The following PDE7A variants were observed in gnomAD, a reference collection of about 807,000 sequenced individuals.
PDE7A encodes the protein phosphodiesterase 7A, also known as high affinity 3',5'-cyclic-AMP phosphodiesterase 7A.
PDE7A carries 39 observed loss-of-function variants against 64.3 expected under a neutral mutation model. The ratio of observed to expected loss-of-function variants is 0.61; its 90% CI spans 0.47 to 0.79. The LOEUF (loss-of-function observed/expected upper bound fraction) is 0.79. Among genes scored for constraint, PDE7A ranks in the 30% least tolerant of loss-of-function variants. The pLI, the probability that PDE7A is intolerant of heterozygous loss-of-function variation, is 0.00. For synonymous variants in PDE7A, 203 were observed against 206.8 expected (o/e 0.98, Z 0.16); for missense variants, 470 against 582.8 (o/e 0.81, Z 1.99).
chr8:65,840,673 A>C (rs1811058729), intron 1 of PDE7A, among the ~76,000 whole-genome samples: 3 of 152,214 alleles, frequency 2.0e-5, no homozygotes, highest in African/African-American at 7.2e-5. Context: ...ACAGGAAAAA[A>C]ACAGAAATGC....
At chr8:65,798,203 TA>T (rs374545123) in intron 1 of PDE7A, among the ~76,000 whole-genome samples, 12,311 of 57,002 alleles carry the variant, frequency 0.22, 817 homozygotes, top group East Asian at 0.49. Context: ...TATATATATA[TA>T]TATTTTTTTT....
intron 1 of PDE7A, among the ~76,000 whole-genome samples, chr8:65,795,096 C>A (rs1342975490): frequency 6.6e-6 from 1 of 152,178 alleles, no homozygotes; most frequent in Non-Finnish European, 1.5e-5. Context: ...TATAAGGTAA[C>A]TGGTACTGGA....
In PDE7A at chr8:65,716,343, CAT is replaced by C. The variant is rs1806145029; in HGVS notation, c.*2945_*2946del. On this transcript the variant is annotated 3_prime_UTR_variant, in exon 13 of 13. Transcript: ENST00000401827. ...AACAATGGATCAGAGCAGAAGCAAT[CAT>C]GTATACAGGCAGAATGGAGCCCAGG... Among the ~76,000 whole-genome samples the C allele has an allele frequency of 1.3e-5, 2 of 152,128 alleles. No homozygotes were observed.
Position 65,747,634 on chromosome 8 carries a change from T to TA in PDE7A, c.435+17dup, listed in dbSNP as rs529267967. The TA allele has an allele frequency of 1.9e-6, 3 of 1,545,828 alleles. No homozygotes were observed. The highest frequency in any genetic ancestry group is 1.9e-5 in the Admixed American group (1 of 53,392). On this transcript the variant is annotated intron_variant, in intron 4 of 12. Coordinates refer to ENST00000401827, the MANE Select transcript of PDE7A (RefSeq NM_001242318.3). ...ACTTATCAAAAAATTAATGTTTTCT[T>TA]AAAAAAACTATACACACCTTGGCTT...
At chr8:65,830,569 A>G (rs1482167103) in intron 1 of PDE7A, among the ~76,000 whole-genome samples, 1 of 152,134 alleles carries the variant, frequency 6.6e-6, no homozygotes, top group Non-Finnish European at 1.5e-5. Flanking sequence ...GAAATAAATC[A>G]GCCCCATCTA....
chr8:65,715,026 C>T lies in PDE7A; in HGVS notation c.*4264G>A, dbSNP rs1390150769. Among the ~76,000 whole-genome samples, 1 of 152,096 alleles carries T rather than the reference C, an allele frequency of 6.6e-6. No homozygotes were observed. The highest frequency in any genetic ancestry group is 2.4e-5 in the African/African-American group (1 of 41,402). ...AAATTTTCTCTCCAAGGACCTTTTACTCCTAGAGCAGAGACTCCCTCAGCC... is the reference window on the plus strand; with the variant it reads ...AAATTTTCTCTCCAAGGACCTTTTATTCCTAGAGCAGAGACTCCCTCAGCC... On this transcript the variant is annotated 3_prime_UTR_variant, in exon 13 of 13. Transcript: ENST00000401827.
At chr8:65,815,227 C>G (rs1214316811) in intron 1 of PDE7A, among the ~76,000 whole-genome samples, 1 of 152,122 alleles carries the variant, frequency 6.6e-6, no homozygotes, top group African/African-American at 2.4e-5. Flanking sequence ...AATCTATGAT[C>G]CCAGCTTTCG....
intron 1 of PDE7A, among the ~76,000 whole-genome samples, chr8:65,823,298 A>G (rs1479483874): frequency 6.6e-6 from 1 of 152,320 alleles, no homozygotes; most frequent in African/African-American, 2.4e-5. Flanking sequence ...TGTGAGACAA[A>G]GAAAACATTA....
chr8:65,831,084 T>G (rs1056067712), intron 1 of PDE7A, among the ~76,000 whole-genome samples: 1 of 152,108 alleles, frequency 6.6e-6, no homozygotes, highest in Non-Finnish European at 1.5e-5. Context: ...TTATATATAT[T>G]AAAACTTAGA....
chr8:65,818,510 A>G (rs536058397), intron 1 of PDE7A, among the ~76,000 whole-genome samples: 70 of 152,258 alleles, frequency 4.6e-4, no homozygotes, highest in African/African-American at 1.7e-3. Flanking sequence ...TTTAGTAGTT[A>G]CTGTGACACT....
At chr8:65,724,453 A>G (rs1806525024) in intron 10 of PDE7A, 102 bp from the exon 11 acceptor site, 1 of 686,604 alleles carries the variant, frequency 1.5e-6, no homozygotes, top group African/African-American at 1.8e-5. Context: ...ATATAAATAA[A>G]TAAGCCAGAA....
At chr8:65,770,422 T>C (rs957482132) in intron 3 of PDE7A, among the ~76,000 whole-genome samples, 2 of 152,194 alleles carry the variant, frequency 1.3e-5, no homozygotes, top group African/African-American at 2.4e-5. Context: ...AAACCTCTTA[T>C]AAAATCATCA....
intron 1 of PDE7A, among the ~76,000 whole-genome samples, chr8:65,824,815 T>C (rs546778869): frequency 1.3e-5 from 2 of 152,244 alleles, no homozygotes; most frequent in East Asian, 1.9e-4. Flanking sequence ...ACATAACTTT[T>C]ATATGCATGG....
At chr8:65,733,653 A>G (rs1422603138) in intron 7 of PDE7A, among the ~76,000 whole-genome samples, 1 of 152,184 alleles carries the variant, frequency 6.6e-6, no homozygotes, top group Admixed American at 6.5e-5. Flanking sequence ...GGTTGGGAGT[A>G]TACATTTGTC....
chr8:65,739,387 A>T (rs1807301030), intron 6 of PDE7A, 115 bp downstream of exon 6: 3 of 1,187,746 alleles, frequency 2.5e-6, no homozygotes, highest in Non-Finnish European at 3.3e-6. Context: ...TTAAGCCACT[A>T]ATTTTGGCTG....
At chr8:65,745,602 T>G (rs1807638765) in intron 4 of PDE7A, 132 bp from the exon 5 acceptor site, 6 of 601,358 alleles carry the variant, frequency 1.0e-5, no homozygotes, top group Admixed American at 6.4e-5. Context: ...ATCATTTTTC[T>G]TTTAATCATG....
At chr8:65,729,961 G>A (rs1488747169) in intron 7 of PDE7A, among the ~76,000 whole-genome samples, 6 of 151,898 alleles carry the variant, frequency 4.0e-5, no homozygotes, top group South Asian at 2.1e-4. Flanking sequence ...AGGACAAGGC[G>A]GTCCTCGCAG....
chr8:65,725,002 C>G, intron 9 of PDE7A, 81 bp from the exon 10 acceptor site: 1 of 865,040 alleles, frequency 1.2e-6, no homozygotes, highest in Non-Finnish European at 1.7e-6. Flanking sequence ...CCATAATAAT[C>G]GGAAGGCTTT....
intron 3 of PDE7A, among the ~76,000 whole-genome samples, chr8:65,776,171 A>G (rs1401254551): frequency 6.6e-6 from 1 of 152,160 alleles, no homozygotes; most frequent in Non-Finnish European, 1.5e-5. Flanking sequence ...AACAGGGTCC[A>G]AGATTCACTT....
Sources: allele counts gnomAD v4.1 joint callset (sites outside exome capture counted in the v4.1 genomes callset), GRCh38; gene constraint gnomAD v4.1.1; transcripts MANE v1.5; gene names NCBI Gene and HGNC (gene_info 2026-07-23, HGNC 2026-07-21).